Variants in CHST9 observed in about 807,000 individuals in gnomAD.
The protein encoded by CHST9 is carbohydrate sulfotransferase 9, also known as GalNAc-4-sulfotransferase 2.
In CHST9, 41 loss-of-function variants were observed where a neutral mutation model predicts 44.4. That is an observed-to-expected ratio of 0.92 (90% confidence interval 0.72 to 1.20). The LOEUF (loss-of-function observed/expected upper bound fraction) is 1.20, where lower values mean the gene tolerates loss of function less well. CHST9 is among the 50% of genes most tolerant of loss of function. The pLI, the probability that CHST9 is intolerant of heterozygous loss-of-function variation, is 0.00. For missense variants in CHST9, 504 were observed against 516.5 expected (o/e 0.98, Z 0.23); for synonymous variants, 171 against 178.4 (o/e 0.96, Z 0.33).
chr18:26,962,132 C>T (rs1341528683), intron 4 of CHST9, among the ~76,000 whole-genome samples: 2 of 152,118 alleles, frequency 1.3e-5, no homozygotes, highest in Non-Finnish European at 2.9e-5. Context: ...TAAACTGAGA[C>T]ACAGCTTACA....
At chr18:27,073,196 C>A (rs1484403848) in intron 2 of CHST9, among the ~76,000 whole-genome samples, 1 of 152,142 alleles carries the variant, frequency 6.6e-6, no homozygotes, top group Non-Finnish European at 1.5e-5. Flanking sequence ...CTATGACGTG[C>A]AAGGCCACAG....
intron 1 of CHST9, among the ~76,000 whole-genome samples, chr18:27,163,282 T>C (rs1035652713): frequency 2.6e-5 from 4 of 152,166 alleles, no homozygotes; most frequent in Admixed American, 2.6e-4. Flanking sequence ...GAGGAGGCAG[T>C]CTGTCCGTTC....
At chr18:27,028,321 A>G (rs1330338834) in intron 3 of CHST9, among the ~76,000 whole-genome samples, 1 of 152,172 alleles carries the variant, frequency 6.6e-6, no homozygotes, top group African/African-American at 2.4e-5. Context: ...GGTTTACATA[A>G]TTATCATTGA....
At chr18:26,927,286 G>A (rs1260133591) in intron 5 of CHST9, among the ~76,000 whole-genome samples, 1 of 152,106 alleles carries the variant, frequency 6.6e-6, no homozygotes, top group Non-Finnish European at 1.5e-5. Context: ...GTGAAGGGGA[G>A]GTCTTCCCCT....
At chr18:27,044,162 A>G (rs964814498) in intron 3 of CHST9, among the ~76,000 whole-genome samples, 1 of 151,858 alleles carries the variant, frequency 6.6e-6, no homozygotes, top group Non-Finnish European at 1.5e-5. Flanking sequence ...ATTCCTCATG[A>G]TACCTTGTAC....
At chr18:26,950,772 C>T (rs9950360) in intron 4 of CHST9, among the ~76,000 whole-genome samples, 28,343 of 152,070 alleles carry the variant, frequency 0.19, 2,771 homozygotes, top group East Asian at 0.24. Flanking sequence ...GGGTACCGTG[C>T]ACACTGCTTA....
At chr18:27,136,640 T>A (rs2058515342) in intron 2 of CHST9, among the ~76,000 whole-genome samples, 2 of 152,272 alleles carry the variant, frequency 1.3e-5, no homozygotes, top group South Asian at 4.1e-4. Context: ...AATGAGATAG[T>A]GGGTGTGATG....
chr18:27,090,412 T>G (rs1426704805), intron 2 of CHST9, among the ~76,000 whole-genome samples: 1 of 152,198 alleles, frequency 6.6e-6, no homozygotes, highest in Non-Finnish European at 1.5e-5. Context: ...TTCACTCTGA[T>G]GGTAGTTTCT....
intron 2 of CHST9, among the ~76,000 whole-genome samples, chr18:27,141,545 C>A (rs1456936170): frequency 8.2e-6 from 1 of 122,486 alleles, no homozygotes; most frequent in East Asian, 2.7e-4. Flanking sequence ...GAGCCAAGAT[C>A]ATGCTATCGC....
At chr18:27,024,021 T>C (rs1446381357) in intron 4 of CHST9, 95 bp downstream of exon 4, 6 of 1,243,230 alleles carry the variant, frequency 4.8e-6, no homozygotes, top group Non-Finnish European at 5.8e-6. Context: ...GAACAGGTGC[T>C]TAAAAGCCAC....
At chr18:27,108,135 T>G (rs1454415079) in intron 2 of CHST9, among the ~76,000 whole-genome samples, 1 of 152,136 alleles carries the variant, frequency 6.6e-6, no homozygotes, top group Non-Finnish European at 1.5e-5. Context: ...ACTTGTTTGC[T>G]GGGACACCCA....
intron 2 of CHST9, among the ~76,000 whole-genome samples, chr18:27,126,114 T>G (rs1289375194): frequency 6.6e-6 from 1 of 152,240 alleles, no homozygotes; most frequent in Admixed American, 6.5e-5. Flanking sequence ...AATCATGCAC[T>G]TTTCGCTCTA....
At chr18:27,034,693 T>G (rs1456253028) in intron 3 of CHST9, among the ~76,000 whole-genome samples, 2 of 152,146 alleles carry the variant, frequency 1.3e-5, no homozygotes. Flanking sequence ...TCAGATCTGC[T>G]CAAGGCTGGT....
chr18:26,953,108 T>C (rs1382804239), intron 4 of CHST9, among the ~76,000 whole-genome samples: 5 of 152,236 alleles, frequency 3.3e-5, no homozygotes, highest in Non-Finnish European at 5.9e-5. Flanking sequence ...TGAATATGGA[T>C]ATCTAAGTAT....
intron 2 of CHST9, among the ~76,000 whole-genome samples, chr18:27,061,123 C>T (rs4800275): frequency 0.1 from 15,162 of 152,108 alleles, 853 homozygotes; most frequent in East Asian, 0.24. Flanking sequence ...CATCTGGAGG[C>T]AAAACTCCTT....
intron 2 of CHST9, among the ~76,000 whole-genome samples, chr18:27,118,503 A>G (rs182681104): frequency 1.3e-5 from 2 of 152,384 alleles, no homozygotes; most frequent in East Asian, 3.9e-4. Context: ...AGAGTTCAAC[A>G]TCAGGGATTT....
At chr18:27,042,290 CATAGCAGGGCA>C (rs531737757) in intron 3 of CHST9, among the ~76,000 whole-genome samples, 185 of 152,248 alleles carry the variant, frequency 1.2e-3, no homozygotes, top group African/African-American at 4.2e-3. Flanking sequence ...GACCAAGTCA[CATAGCAGGGCA>C]GTGCAAAATG....
intron 4 of CHST9, among the ~76,000 whole-genome samples, chr18:26,974,799 G>A (rs541025894): frequency 2.0e-5 from 3 of 151,650 alleles, no homozygotes; most frequent in Admixed American, 6.6e-5. Context: ...TCAGCCTCCC[G>A]AGGAGCTGGG....
intron 2 of CHST9, among the ~76,000 whole-genome samples, chr18:27,123,359 T>C (rs2058391764): frequency 6.6e-6 from 1 of 152,140 alleles, no homozygotes; most frequent in Non-Finnish European, 1.5e-5. Context: ...ACCCCCCAAA[T>C]CTGATTATCT....
Sources: gnomAD v4.1 joint callset for allele counts (sites outside exome capture counted in the v4.1 genomes callset) on GRCh38, gnomAD v4.1.1 for gene constraint, MANE v1.5 for transcripts, NCBI Gene and HGNC (gene_info 2026-07-23, HGNC 2026-07-21) for gene names.